MEAK7: variants seen among roughly 807,000 people sequenced by gnomAD.
The protein encoded by MEAK7 is MTOR associated protein MEAK7.
MEAK7 carries 68 observed loss-of-function variants against 40.5 expected under a neutral mutation model. The ratio of observed to expected loss-of-function variants is 1.68; its 90% confidence interval spans 1.38 to 2.06. The LOEUF (loss-of-function observed/expected upper bound fraction) is 2.06, where lower values mean the gene tolerates loss of function less well. Among genes scored for constraint, MEAK7 ranks in the 30% most tolerant of loss-of-function variants. The pLI, the probability that MEAK7 is intolerant of heterozygous loss-of-function variation, is 0.00. For synonymous variants in MEAK7, 338 were observed against 231.9 expected, an observed-to-expected ratio of 1.46 and a Z score of -4.16; for missense variants, 918 against 580.5, an observed-to-expected ratio of 1.58 and a Z score of -5.98.
intron 3 of MEAK7, among the ~76,000 whole-genome samples, chr16:84,494,319 T>C (rs777471206): frequency 6.6e-6 from 1 of 152,244 alleles, no homozygotes; most frequent in African/African-American, 2.4e-5. Flanking sequence ...TATTGGATTC[T>C]AGCTTTGACC....
In MEAK7 at chr16:84,479,944, T is replaced by A. The variant is rs1912367296; in HGVS notation, c.1340A>T (p.Glu447Val). ...LEISGHSRHS[E>V]GLREVPDDE ...ATCGTCCGGGACTTCCCGGAGCCCT[T>A]CGCTGTGGCGCGAATGCCCACTGAT... Residue 447 changes from glutamate to valine, a missense_variant, in exon 8 of 8, where the codon GAA becomes GTA. Physicochemically the swap from Glu to Val is moderately radical, Grantham distance 121 (BLOSUM62 -2). Coordinates refer to ENST00000343629, the MANE Select transcript of MEAK7 (RefSeq NM_020947.4). 6.2e-7 allele frequency: 1 copy of A among 1,609,882 alleles called. No individual in the cohort carries two copies.
chr16:84,481,233 C>T (rs1388932353), intron 6 of MEAK7, among the ~76,000 whole-genome samples: 2 of 152,234 alleles, frequency 1.3e-5, no homozygotes, highest in Admixed American at 6.5e-5. Context: ...CTGTGCCTTC[C>T]ACCCTCAGTC....
intron 1 of MEAK7, chr16:84,499,917 G>A (rs1381725948): frequency 6.6e-6 from 1 of 152,266 alleles, no homozygotes; most frequent in Non-Finnish European, 1.5e-5. Flanking sequence ...TGTGCTTACA[G>A]TCCTAGCTGC....
At chr16:84,496,194 TCCACATATCC>T (rs1199041794) in intron 2 of MEAK7, among the ~76,000 whole-genome samples, 1 of 152,150 alleles carries the variant, frequency 6.6e-6, no homozygotes, top group Non-Finnish European at 1.5e-5. Context: ...CATGGCCGCC[TCCACATATCC>T]CCACGTGTAT....
chr16:84,499,180 G>C (rs987132890), intron 1 of MEAK7, among the ~76,000 whole-genome samples: 1 of 152,204 alleles, frequency 6.6e-6, no homozygotes, highest in Non-Finnish European at 1.5e-5. Context: ...TATAGGAAAA[G>C]ACAAGTGTCA....
intron 3 of MEAK7, among the ~76,000 whole-genome samples, chr16:84,495,009 C>T (rs1274636425): frequency 1.3e-5 from 2 of 152,186 alleles, no homozygotes; most frequent in Admixed American, 1.3e-4. Context: ...TGGCTCATGC[C>T]TATAATCCTA....
chr16:84,494,551 A>T (rs1033434638), intron 3 of MEAK7, among the ~76,000 whole-genome samples: 1 of 152,206 alleles, frequency 6.6e-6, no homozygotes. Context: ...CGACCTATTT[A>T]TATACAGAAC....
rs1469001141 is a variant in MEAK7 at position 84,482,720 on chromosome 16, G to A, written c.959-10C>T. 4 of 1,613,812 alleles carry A rather than the reference G, an allele frequency of 2.5e-6. No individual in the cohort carries two copies. Among genetic ancestry groups the A allele is most frequent in the South Asian group, 1.1e-5 (1 of 91,060 alleles). Reference sequence around the variant, plus strand: ...AAGCATCTGTTGTCCCCTGAAAGTAGCCAGAGAACAAAACAAACAGGGTCG... The same window carrying A: ...AAGCATCTGTTGTCCCCTGAAAGTAACCAGAGAACAAAACAAACAGGGTCG... On this transcript the variant is annotated splice_polypyrimidine_tract_variant and intron_variant, in intron 5 of 7. Coordinates refer to ENST00000343629, the MANE Select transcript of MEAK7 (RefSeq NM_020947.4).
chr16:84,498,929 A>C lies in MEAK7; in HGVS notation c.-25-818T>G, dbSNP rs191834742. On this transcript the variant is annotated intron_variant, in intron 1 of 7. Coordinates refer to ENST00000343629, the MANE Select transcript of MEAK7 (RefSeq NM_020947.4). ...GTGTAGTCTTGGGCAAGCTACTAAA[A>C]CGCTCTCTGCCTCAATTTCCCCATT... Among the ~76,000 whole-genome samples the C allele has an allele frequency of 6.2e-3, 943 of 151,608 alleles. 11 individuals are homozygous for C. The highest frequency in any genetic ancestry group is 0.022 in the African/African-American group (902 of 41,278).
intron 1 of MEAK7, among the ~76,000 whole-genome samples, chr16:84,499,761 G>C (rs1914346424): frequency 6.6e-6 from 1 of 152,122 alleles, no homozygotes; most frequent in Admixed American, 6.5e-5. Context: ...ATATGGCCAG[G>C]CGTGGTGGCT....
chr16:84,500,520 T>C (rs952799711), intron 1 of MEAK7, among the ~76,000 whole-genome samples: 2 of 152,192 alleles, frequency 1.3e-5, no homozygotes, highest in African/African-American at 4.8e-5. Context: ...ACTGCTAATG[T>C]GCCCCTCTGC....
intron 2 of MEAK7, 195 bp downstream of exon 2, chr16:84,497,739 G>C (rs938025209): frequency 1.1e-5 from 15 of 1,338,848 alleles, no homozygotes; most frequent in Non-Finnish European, 1.3e-5. Context: ...TAACGGCAGA[G>C]CAGAGGAGCT....
At chr16:84,482,900 G>A (rs559300950) in intron 5 of MEAK7, among the ~76,000 whole-genome samples, 190 bp from the exon 6 acceptor site, 1 of 152,314 alleles carries the variant, frequency 6.6e-6, no homozygotes, top group South Asian at 2.1e-4. Flanking sequence ...GGGATGCAGG[G>A]ATTAGAGGGA....
intron 4 of MEAK7, 72 bp downstream of exon 4, chr16:84,489,206 G>A: frequency 1.3e-6 from 2 of 1,539,942 alleles, no homozygotes; most frequent in Admixed American, 1.9e-5. Flanking sequence ...TTACTACACA[G>A]CTACAGTAAT....
intron 2 of MEAK7, chr16:84,497,591 G>A: frequency 4.6e-6 from 6 of 1,313,450 alleles, no homozygotes; most frequent in Non-Finnish European, 5.0e-6. Flanking sequence ...TTCATCTCAA[G>A]TTAGAAATGT....
intron 3 of MEAK7, among the ~76,000 whole-genome samples, chr16:84,490,235 T>C (rs146856218): frequency 0.011 from 1,674 of 148,508 alleles, 22 homozygotes; most frequent in Non-Finnish European, 0.017. Context: ...TTCCAAATTA[T>C]AGGGAAACAA....
chr16:84,479,919 A>G lies in MEAK7; in HGVS notation c.1365T>C (p.Asp455=), dbSNP rs1481487765. 4.4e-6 allele frequency: 7 copies of G among 1,595,860 alleles called. No individual in the cohort carries two copies. The Admixed American group carries it at 8.5e-5, about 19-fold the overall frequency. ...GGAAGGCTCAGGCGGCTCCTCATTC[A>G]TCGTCCGGGACTTCCCGGAGCCCTT... ...HSEGLREVPD[D]E The change falls in exon 8 of 8, where the codon GAT becomes GAC. Residue 455 remains aspartate, a synonymous_variant. Coordinates refer to ENST00000343629, the MANE Select transcript of MEAK7 (RefSeq NM_020947.4).
At chr16:84,487,912 G>A (rs1243526320) in intron 4 of MEAK7, 8 of 152,148 alleles carry the variant, frequency 5.3e-5, no homozygotes, top group Non-Finnish European at 7.3e-5. Context: ...GAGCTTTTAC[G>A]TCTTAAGCTC....
chr16:84,499,074 G>A (rs554037917), intron 1 of MEAK7, among the ~76,000 whole-genome samples: 43 of 152,296 alleles, frequency 2.8e-4, no homozygotes, highest in African/African-American at 7.0e-4. Flanking sequence ...ATCCCGGCCC[G>A]TGAGCCTCAT....
Sources: gnomAD v4.1 joint callset for allele counts (sites outside exome capture counted in the v4.1 genomes callset) on GRCh38, gnomAD v4.1.1 for gene constraint, MANE v1.5 for transcripts, NCBI Gene and HGNC (gene_info 2026-07-23, HGNC 2026-07-21) for gene names.